Variants in GALNT13 observed in about 807,000 individuals in gnomAD.
GALNT13 encodes the protein UDP-GalNAc:polypeptide N-acetylgalactosaminyltransferase 13.
GALNT13 carries 28 observed loss-of-function variants against 64.2 expected under a neutral mutation model. The ratio of observed to expected loss-of-function variants is 0.44; its 90% CI spans 0.32 to 0.60. The LOEUF (loss-of-function observed/expected upper bound fraction) is 0.60. Among genes scored for constraint, GALNT13 ranks in the 20% least tolerant of loss-of-function variants. The pLI is 0.05. For missense variants in GALNT13, 577 were observed against 669.8 expected, an observed-to-expected ratio of 0.86 and a Z score of 1.53; for synonymous variants, 214 against 224.6, an observed-to-expected ratio of 0.95 and a Z score of 0.42.
chr2:154,222,143 A>G (rs916545304), intron 4 of GALNT13, among the ~76,000 whole-genome samples: 8 of 152,020 alleles, frequency 5.3e-5, no homozygotes, highest in African/African-American at 1.4e-4. Flanking sequence ...TTTTTGCACA[A>G]TTTACAGGTT....
At chr2:153,254,665 T>G in the GALNT13 span, among the ~76,000 whole-genome samples, 2 of 152,208 alleles carry the variant, frequency 1.3e-5, no homozygotes, top group African/African-American at 2.4e-5. Context: ...TCTGGTATGT[T>G]GTGTCTTTGT....
At chr2:154,444,753 T>C (rs1701479309) in intron 12 of GALNT13, among the ~76,000 whole-genome samples, 1 of 152,114 alleles carries the variant, frequency 6.6e-6, no homozygotes, top group Admixed American at 6.6e-5. Context: ...ATCAATATAT[T>C]GATCAAATAT....
the GALNT13 span, among the ~76,000 whole-genome samples, chr2:153,111,608 A>G: frequency 2.0e-5 from 3 of 152,142 alleles, no homozygotes; most frequent in Non-Finnish European, 4.4e-5. Flanking sequence ...CCCAACACGA[A>G]TAATTCTCAG....
chr2:153,434,620 T>C, the GALNT13 span, among the ~76,000 whole-genome samples: 2 of 152,236 alleles, frequency 1.3e-5, no homozygotes, highest in African/African-American at 4.8e-5. Flanking sequence ...GCTGCATAAA[T>C]GTCTTCTTTT....
At chr2:153,132,159 C>G in the GALNT13 span, among the ~76,000 whole-genome samples, 1 of 152,076 alleles carries the variant, frequency 6.6e-6, no homozygotes, top group Non-Finnish European at 1.5e-5. Context: ...TGGAGAGGAC[C>G]AATACCAGCT....
chr2:154,031,099 T>A (rs1487139105), intron 3 of GALNT13, among the ~76,000 whole-genome samples: 1 of 152,146 alleles, frequency 6.6e-6, no homozygotes, highest in Non-Finnish European at 1.5e-5. Context: ...TTATCTTACA[T>A]GTAAAAATAA....
the GALNT13 span, among the ~76,000 whole-genome samples, chr2:153,249,947 C>A: frequency 6.6e-6 from 1 of 152,114 alleles, no homozygotes; most frequent in Admixed American, 6.6e-5. Context: ...CTAGGCAATA[C>A]CATTCAGGAT....
the GALNT13 span, among the ~76,000 whole-genome samples, chr2:153,440,998 T>C: frequency 5.9e-5 from 9 of 152,122 alleles, no homozygotes; most frequent in Admixed American, 5.9e-4. Context: ...TTGCTTTTGG[T>C]GTTTTAGTCA....
intron 3 of GALNT13, among the ~76,000 whole-genome samples, chr2:154,119,310 T>A (rs1208807933): frequency 6.6e-6 from 1 of 152,202 alleles, no homozygotes; most frequent in African/African-American, 2.4e-5. Flanking sequence ...ACAGTTCTAT[T>A]GCCATTCATT....
chr2:154,402,648 T>C (rs956801811), intron 10 of GALNT13, among the ~76,000 whole-genome samples: 1 of 152,256 alleles, frequency 6.6e-6, no homozygotes, highest in Non-Finnish European at 1.5e-5. Context: ...ATTCAAGTTC[T>C]GGAACAGACT....
intron 3 of GALNT13, among the ~76,000 whole-genome samples, chr2:154,006,316 C>A (rs1315033276): frequency 1.3e-5 from 2 of 151,888 alleles, no homozygotes; most frequent in Admixed American, 6.6e-5. Context: ...GCTAAATGTC[C>A]TTGGGGTTGT....
At chr2:153,841,934 C>T in the GALNT13 span, among the ~76,000 whole-genome samples, 2 of 151,992 alleles carry the variant, frequency 1.3e-5, no homozygotes, top group African/African-American at 4.8e-5. Flanking sequence ...GTTAGAGTTC[C>T]AGCTTGTTGG....
the GALNT13 span, among the ~76,000 whole-genome samples, chr2:153,453,339 A>G: frequency 1.3e-5 from 2 of 152,244 alleles, no homozygotes; most frequent in African/African-American, 2.4e-5. Context: ...GACAGCCCAC[A>G]GAATGGGAGA....
chr2:153,878,771 G>A (rs1686570798), intron 1 of GALNT13, among the ~76,000 whole-genome samples: 1 of 152,190 alleles, frequency 6.6e-6, no homozygotes, highest in Non-Finnish European at 1.5e-5. Flanking sequence ...CTTGGCGAAA[G>A]TGAAGCAGGT....
intron 8 of GALNT13, among the ~76,000 whole-genome samples, chr2:154,260,131 C>T (rs111356338): frequency 6.6e-6 from 1 of 151,974 alleles, no homozygotes; most frequent in Non-Finnish European, 1.5e-5. Flanking sequence ...AGCAATCCAC[C>T]CCCCTCTGCC....
chr2:153,722,401 G>A, the GALNT13 span, among the ~76,000 whole-genome samples: 1 of 139,016 alleles, frequency 7.2e-6, no homozygotes, highest in Non-Finnish European at 1.5e-5. Context: ...AAAAGAACTA[G>A]AAAAGCAAGA....
chr2:153,223,810 A>G, the GALNT13 span, among the ~76,000 whole-genome samples: 1 of 151,824 alleles, frequency 6.6e-6, no homozygotes, highest in Non-Finnish European at 1.5e-5. Context: ...AAAAAAGAAA[A>G]ACTACAAAAA....
chr2:153,966,123 G>A (rs1470898755), intron 3 of GALNT13, among the ~76,000 whole-genome samples: 1 of 150,986 alleles, frequency 6.6e-6, no homozygotes, highest in South Asian at 2.1e-4. Flanking sequence ...TCTAAGAAGG[G>A]TTGATGTTGA....
the GALNT13 span, among the ~76,000 whole-genome samples, chr2:153,281,832 T>C: frequency 1.3e-5 from 2 of 151,978 alleles, no homozygotes; most frequent in East Asian, 3.9e-4. Context: ...GCTTTTTTTT[T>C]TTTTCAGGTT....
Sources: allele counts gnomAD v4.1 joint callset (sites outside exome capture counted in the v4.1 genomes callset), GRCh38; gene constraint gnomAD v4.1.1; transcripts MANE v1.5; gene names NCBI Gene and HGNC (gene_info 2026-07-23, HGNC 2026-07-21).